The following SLIT3 variants were observed in gnomAD, a reference collection of about 807,000 sequenced individuals.
The protein encoded by SLIT3 is slit guidance ligand 3, also known as slit homolog 3 protein.
A neutral mutation model predicts 184.0 loss-of-function variants in SLIT3; 68 were observed. The ratio of observed to expected loss-of-function variants is 0.37; its 90% CI spans 0.30 to 0.45. SLIT3 has a LOEUF of 0.45. Among genes scored for constraint, SLIT3 ranks in the 20% least tolerant of loss-of-function variants. SLIT3 has a pLI of 1.00. For missense variants in SLIT3, 1,707 were observed against 2,026.0 expected (o/e 0.84, Z 3.02); for synonymous variants, 831 against 828.6 (o/e 1.00, Z -0.05).
chr5:168,925,874 C>CT (rs1048946324), intron 4 of SLIT3, among the ~76,000 whole-genome samples: 4 of 152,198 alleles, frequency 2.6e-5, no homozygotes, highest in Non-Finnish European at 5.9e-5. Context: ...CATTTCAGAG[C>CT]TCAGCCGGTT....
chr5:169,069,829 C>G (rs1323839525), intron 4 of SLIT3, among the ~76,000 whole-genome samples: 2 of 152,042 alleles, frequency 1.3e-5, no homozygotes, highest in African/African-American at 4.8e-5. Context: ...AACAGAGAAG[C>G]AGGCAGGCAC....
intron 4 of SLIT3, among the ~76,000 whole-genome samples, chr5:169,187,559 CT>C (rs869169684): frequency 4.8e-4 from 27 of 55,742 alleles, no homozygotes; most frequent in Admixed American, 6.1e-4. Context: ...TTCTTTCTTT[CT>C]TTTTTTTTTT....
intron 3 of SLIT3, among the ~76,000 whole-genome samples, chr5:169,238,924 A>G (rs1452053681): frequency 2.0e-5 from 3 of 152,116 alleles, no homozygotes; most frequent in African/African-American, 4.8e-5. Context: ...GTATTTTCCA[A>G]TGAGTAGAGA....
intron 8 of SLIT3, among the ~76,000 whole-genome samples, chr5:168,809,768 C>T (rs748191436): frequency 7.2e-5 from 11 of 152,194 alleles, no homozygotes; most frequent in African/African-American, 2.2e-4. Context: ...TAAGGACACT[C>T]GCCCAGAAGC....
intron 4 of SLIT3, among the ~76,000 whole-genome samples, chr5:169,132,240 C>T (rs1761328674): frequency 6.6e-6 from 1 of 152,010 alleles, no homozygotes; most frequent in Admixed American, 6.6e-5. Context: ...CTGAAGAGAG[C>T]CAAGTGAAAT....
chr5:168,964,906 G>A (rs6885918), intron 4 of SLIT3, among the ~76,000 whole-genome samples: 2 of 152,190 alleles, frequency 1.3e-5, no homozygotes, highest in African/African-American at 2.4e-5. Context: ...GGCTCTAAAA[G>A]ATAGTAGGTA....
At chr5:168,825,634 T>C (rs1416759471) in intron 6 of SLIT3, among the ~76,000 whole-genome samples, 1 of 152,216 alleles carries the variant, frequency 6.6e-6, no homozygotes, top group African/African-American at 2.4e-5. Flanking sequence ...ACTTAGCGGT[T>C]TTGTTTCATA....
chr5:168,843,264 T>C (rs535126644), intron 6 of SLIT3, among the ~76,000 whole-genome samples: 1 of 152,242 alleles, frequency 6.6e-6, no homozygotes, highest in African/African-American at 2.4e-5. Context: ...TCCAACCCGT[T>C]GCTAGTATCT....
chr5:168,982,758 C>T (rs1754993888), intron 4 of SLIT3, among the ~76,000 whole-genome samples: 2 of 152,098 alleles, frequency 1.3e-5, no homozygotes, highest in African/African-American at 4.8e-5. Flanking sequence ...ATTTGGGGTA[C>T]AGCCTTGTCT....
chr5:169,083,629 A>G (rs1759160819), intron 4 of SLIT3, among the ~76,000 whole-genome samples: 2 of 152,144 alleles, frequency 1.3e-5, no homozygotes, highest in African/African-American at 4.8e-5. Context: ...TTAGCCATCT[A>G]TATGCACTCA....
chr5:169,206,366 G>T (rs1022403564), intron 3 of SLIT3, among the ~76,000 whole-genome samples: 2 of 152,192 alleles, frequency 1.3e-5, no homozygotes, highest in African/African-American at 4.8e-5. Flanking sequence ...GCCCACCACA[G>T]ATTCTCCATG....
At chr5:169,296,438 C>T (rs1480082561) in intron 1 of SLIT3, among the ~76,000 whole-genome samples, 3 of 152,176 alleles carry the variant, frequency 2.0e-5, no homozygotes, top group African/African-American at 7.2e-5. Flanking sequence ...TATACCGGTC[C>T]ACTGGAGGCG....
At chr5:168,899,292 G>A (rs1299233844) in intron 4 of SLIT3, among the ~76,000 whole-genome samples, 2 of 152,170 alleles carry the variant, frequency 1.3e-5, no homozygotes, top group Non-Finnish European at 2.9e-5. Flanking sequence ...AAGGCAGGAG[G>A]ATCACTTGAG....
chr5:168,875,867 G>C (rs943565687), intron 5 of SLIT3, among the ~76,000 whole-genome samples: 9 of 152,112 alleles, frequency 5.9e-5, no homozygotes, highest in African/African-American at 2.2e-4. Context: ...TTTTTAGGTA[G>C]CACTCAGCAA....
At chr5:169,069,983 T>C (rs1758486603) in intron 4 of SLIT3, among the ~76,000 whole-genome samples, 1 of 151,988 alleles carries the variant, frequency 6.6e-6, no homozygotes, top group Non-Finnish European at 1.5e-5. Context: ...GTGCAGAGGA[T>C]GGTGGGATGC....
At chr5:169,298,280 C>T (rs1188631236) in intron 1 of SLIT3, among the ~76,000 whole-genome samples, 2 of 152,092 alleles carry the variant, frequency 1.3e-5, no homozygotes, top group South Asian at 2.1e-4. Context: ...TGCCTATTAA[C>T]GACTGCAGCA....
chr5:168,752,890 G>A, intron 18 of SLIT3, 65 bp downstream of exon 18: 1 of 1,499,942 alleles, frequency 6.7e-7, no homozygotes, highest in Non-Finnish European at 9.2e-7. Context: ...GCAGGGAGCT[G>A]GGAGGAGAGA....
intron 4 of SLIT3, among the ~76,000 whole-genome samples, chr5:169,091,779 C>G (rs960220672): frequency 2.0e-5 from 3 of 152,180 alleles, no homozygotes. Flanking sequence ...CTGGACCGGC[C>G]TGATAATCAG....
intron 4 of SLIT3, among the ~76,000 whole-genome samples, chr5:169,039,416 A>C (rs796665045): frequency 4.8e-4 from 71 of 149,444 alleles, no homozygotes; most frequent in African/African-American, 1.6e-3. Context: ...TCCCGGGTTC[A>C]TGCCATTCTC....
Sources: gnomAD v4.1 joint callset for allele counts (sites outside exome capture counted in the v4.1 genomes callset) on GRCh38, gnomAD v4.1.1 for gene constraint, MANE v1.5 for transcripts, NCBI Gene and HGNC (gene_info 2026-07-23, HGNC 2026-07-21) for gene names.